Variants in HHAT observed in about 807,000 individuals in gnomAD.
HHAT encodes the protein protein-cysteine N-palmitoyltransferase HHAT.
In HHAT, 47 loss-of-function variants were observed where a neutral mutation model predicts 70.8. The ratio of observed to expected loss-of-function variants is 0.66; its 90% CI spans 0.53 to 0.85. The LOEUF is 0.85. Among genes scored for constraint, HHAT ranks in the 40% least tolerant of loss-of-function variants. The pLI is 0.00. For missense variants in HHAT, 609 were observed against 604.8 expected, an observed-to-expected ratio of 1.01 and a Z score of -0.07; for synonymous variants, 228 against 247.6, an observed-to-expected ratio of 0.92 and a Z score of 0.74.
At chr1:210,423,553 T>C (rs114823437) in intron 7 of HHAT, among the ~76,000 whole-genome samples, 3,025 of 152,338 alleles carry the variant, frequency 0.02, 38 homozygotes, top group Middle Eastern at 0.037. Context: ...AGAAGCTTTT[T>C]AGTTTGATAT....
intron 10 of HHAT, among the ~76,000 whole-genome samples, chr1:210,622,154 G>C (rs1401611104): frequency 6.6e-6 from 1 of 152,176 alleles, no homozygotes; most frequent in Non-Finnish European, 1.5e-5. Flanking sequence ...CTTTTTGCCT[G>C]TCATGAATTG....
intron 9 of HHAT, among the ~76,000 whole-genome samples, chr1:210,532,043 A>G (rs1486193170): frequency 2.0e-5 from 3 of 152,242 alleles, no homozygotes; most frequent in East Asian, 1.9e-4. Context: ...TGAAAAGGCC[A>G]TTTAAAATAA....
intron 11 of HHAT, among the ~76,000 whole-genome samples, chr1:210,653,349 C>G (rs1675586995): frequency 6.6e-6 from 1 of 151,926 alleles, no homozygotes; most frequent in Admixed American, 6.6e-5. Context: ...TTGAGACCAG[C>G]CTTGGCAAAA....
chr1:210,497,441 G>A (rs17260445), intron 8 of HHAT, among the ~76,000 whole-genome samples: 31,142 of 152,060 alleles, frequency 0.2, 3,989 homozygotes, highest in Non-Finnish European at 0.29. Flanking sequence ...ATATGGCCTC[G>A]GGTTCTTAAC....
chr1:210,511,690 T>G (rs560408159), intron 8 of HHAT, among the ~76,000 whole-genome samples: 6 of 151,416 alleles, frequency 4.0e-5, no homozygotes, highest in Non-Finnish European at 7.4e-5. Context: ...GAGGCGAGAC[T>G]GGTGGGTGGG....
intron 9 of HHAT, among the ~76,000 whole-genome samples, chr1:210,568,268 G>A (rs1655260796): frequency 6.6e-6 from 1 of 152,222 alleles, no homozygotes; most frequent in Non-Finnish European, 1.5e-5. Context: ...GGGCATGTAA[G>A]TTCTGAGCTC....
chr1:210,542,712 A>T (rs1383656491), intron 9 of HHAT, among the ~76,000 whole-genome samples: 4 of 152,202 alleles, frequency 2.6e-5, no homozygotes, highest in South Asian at 4.2e-4. Context: ...AGGTGGGAGG[A>T]TAGCTTGAGC....
chr1:210,496,815 G>A (rs891786856), intron 8 of HHAT, among the ~76,000 whole-genome samples: 3 of 152,172 alleles, frequency 2.0e-5, no homozygotes, highest in Non-Finnish European at 2.9e-5. Flanking sequence ...AAGTCTTACC[G>A]GGCTATGGGG....
chr1:210,663,466 A>G (rs1313623625), intron 11 of HHAT, among the ~76,000 whole-genome samples: 3 of 152,198 alleles, frequency 2.0e-5, no homozygotes, highest in African/African-American at 7.2e-5. Flanking sequence ...TCTAATGTCC[A>G]ATGAGCGTTT....
chr1:210,368,302 C>T (rs1448287573), intron 3 of HHAT, among the ~76,000 whole-genome samples: 2 of 152,010 alleles, frequency 1.3e-5, no homozygotes, highest in African/African-American at 4.8e-5. Context: ...AATTTGCCTC[C>T]TTTTTAAAAA....
At chr1:210,456,890 C>T (rs2093880706) in intron 7 of HHAT, among the ~76,000 whole-genome samples, 3 of 152,222 alleles carry the variant, frequency 2.0e-5, no homozygotes, top group African/African-American at 7.2e-5. Context: ...TACCTCTCCC[C>T]CACACGCTGC....
At chr1:210,380,505 A>C (rs1323828573) in intron 3 of HHAT, among the ~76,000 whole-genome samples, 1 of 152,168 alleles carries the variant, frequency 6.6e-6, no homozygotes, top group Non-Finnish European at 1.5e-5. Flanking sequence ...ATGCCACTGC[A>C]CTCCAGCCTG....
intron 8 of HHAT, among the ~76,000 whole-genome samples, chr1:210,496,010 CA>C (rs10639399): frequency 0.21 from 14,074 of 67,936 alleles, 1,003 homozygotes; most frequent in South Asian, 0.35. Context: ...AACTCTATCT[CA>C]AAAAAAAAAA....
intron 8 of HHAT, among the ~76,000 whole-genome samples, chr1:210,505,638 C>T (rs775294652): frequency 2.0e-5 from 3 of 152,084 alleles, no homozygotes; most frequent in Non-Finnish European, 4.4e-5. Flanking sequence ...TTTTTGCCCC[C>T]AGCTGTGCAA....
At chr1:210,658,797 A>G (rs1044086665) in intron 11 of HHAT, among the ~76,000 whole-genome samples, 1 of 152,202 alleles carries the variant, frequency 6.6e-6, no homozygotes, top group East Asian at 1.9e-4. Context: ...TCAAAACCGC[A>G]CAACTACATG....
intron 5 of HHAT, among the ~76,000 whole-genome samples, chr1:210,401,867 C>T (rs2092092531): frequency 6.6e-6 from 1 of 152,042 alleles, no homozygotes; most frequent in South Asian, 2.1e-4. Context: ...TGATCATCTC[C>T]TGGGCAGTGG....
chr1:210,375,853 G>C (rs1308019964), intron 3 of HHAT, among the ~76,000 whole-genome samples: 3 of 134,142 alleles, frequency 2.2e-5, no homozygotes, highest in Non-Finnish European at 4.7e-5. Flanking sequence ...CTATCCTTAG[G>C]TTCAATAATT....
chr1:210,398,145 T>A (rs1358591935), intron 4 of HHAT, among the ~76,000 whole-genome samples: 3 of 152,234 alleles, frequency 2.0e-5, no homozygotes, highest in Admixed American at 6.5e-5. Context: ...GGGGATAGGA[T>A]TCATTCCAAT....
chr1:210,436,504 C>T (rs941303999), intron 7 of HHAT, among the ~76,000 whole-genome samples: 1 of 151,434 alleles, frequency 6.6e-6, no homozygotes, highest in African/African-American at 2.4e-5. Context: ...CTGTGAAGAC[C>T]GTCATTGGTA....
Sources: gnomAD v4.1 joint callset for allele counts (sites outside exome capture counted in the v4.1 genomes callset) on GRCh38, gnomAD v4.1.1 for gene constraint, MANE v1.5 for transcripts, NCBI Gene and HGNC (gene_info 2026-07-23, HGNC 2026-07-21) for gene names.